The following RAB14 variants were observed in gnomAD, a reference collection of about 807,000 sequenced individuals.
RAB14 encodes ras-related protein Rab-14.
RAB14 carries 3 observed loss-of-function variants against 31.1 expected under a neutral mutation model. That is an observed-to-expected ratio of 0.10 (90% confidence interval 0.04 to 0.25). The LOEUF is 0.25. Among genes scored for constraint, RAB14 ranks in the 10% least tolerant of loss-of-function variants. The probability of loss-of-function intolerance (pLI) is 1.00; values close to 1 mark genes in which losing one functional copy is unlikely to be tolerated. For synonymous variants in RAB14, 85 were observed against 84.9 expected (o/e 1.00, Z 0.00); for missense variants, 111 against 260.1 (o/e 0.43, Z 3.94).
At chr9:121,196,679 G>A (rs1020533094) in intron 1 of RAB14, among the ~76,000 whole-genome samples, 1 of 152,122 alleles carries the variant, frequency 6.6e-6, no homozygotes, top group African/African-American at 2.4e-5. Context: ...GCTGTACCAT[G>A]TAGCTCTGCA....
At chr9:121,182,164 C>T (rs1341425611) in intron 7 of RAB14, among the ~76,000 whole-genome samples, 1 of 152,200 alleles carries the variant, frequency 6.6e-6, no homozygotes. Context: ...TATGTTAATA[C>T]ACACCATGAC....
In RAB14 at chr9:121,190,547, C is replaced by G. The variant is rs752011726; in HGVS notation, c.284+7G>C. ...CCCCATATGAAGGTTGAAAAATTAT[C>G]TCTTACCTAGTGATATCATAGACCA... On this transcript the variant is annotated splice_region_variant and intron_variant, in intron 4 of 7. Transcript: ENST00000373840. The G allele has an allele frequency of 3.8e-6, 6 of 1,568,546 alleles. No homozygotes were observed. The South Asian group carries it at 7.2e-5, about 19-fold the overall frequency.
At chr9:121,196,060 ATT>A (rs1564322015) in intron 1 of RAB14, among the ~76,000 whole-genome samples, 1 of 152,112 alleles carries the variant, frequency 6.6e-6, no homozygotes, top group Non-Finnish European at 1.5e-5. Flanking sequence ...TTCTTCCCCT[ATT>A]ATTTAACAGT....
At chr9:121,194,707 G>C (rs1301683911) in intron 1 of RAB14, among the ~76,000 whole-genome samples, 1 of 152,022 alleles carries the variant, frequency 6.6e-6, no homozygotes. Context: ...AATATGACTG[G>C]AGAAATTTAT....
intron 1 of RAB14, among the ~76,000 whole-genome samples, chr9:121,197,394 C>T (rs535182718): frequency 4.2e-4 from 64 of 152,276 alleles, no homozygotes; most frequent in African/African-American, 1.5e-3. Context: ...ATTTTCACCA[C>T]TGTTAAGGTG....
chr9:121,183,159 CA>C (rs1395804899), intron 6 of RAB14, 151 bp downstream of exon 6: 1 of 773,278 alleles, frequency 1.3e-6, no homozygotes, highest in Non-Finnish European at 2.1e-6. Context: ...ATAAATCACA[CA>C]GAAATAGAAA....
intron 3 of RAB14, 78 bp downstream of exon 3, chr9:121,192,093 T>C (rs1410436155): frequency 7.7e-6 from 9 of 1,166,768 alleles, no homozygotes; most frequent in Non-Finnish European, 1.1e-5. Context: ...TGAAGTATAC[T>C]GAAAATGACA....
chr9:121,178,860 C>T lies in RAB14; in HGVS notation c.*2536G>A, dbSNP rs1197083636. The T allele has an allele frequency of 1.3e-5, 2 of 152,236 alleles. No homozygotes were observed. Among genetic ancestry groups the T allele is most frequent in the Non-Finnish European group, 2.9e-5 (2 of 68,044 alleles). 9.4% of individuals were successfully genotyped at this position (152,236 alleles called of 1,614,324 possible). On this transcript the variant is annotated 3_prime_UTR_variant, in exon 8 of 8. Coordinates refer to ENST00000373840, the MANE Select transcript of RAB14 (RefSeq NM_016322.4). ...AGCAACCTCAAGAGGCAGGTGACTG[C>T]ACAAGCAGTAAGCTATGGATTAAAA...
rs986451379 is a variant in RAB14 at position 121,179,677 on chromosome 9, A to C, written c.*1719T>G. 2.6e-5 allele frequency: 4 copies of C among 152,686 alleles called. No homozygotes were observed. Among genetic ancestry groups the C allele is most frequent in the African/African-American group, 7.2e-5 (3 of 41,468 alleles). The allele number at this position is 152,686 out of a possible 1,614,324, so 9.5% of individuals were successfully genotyped here. On this transcript the variant is annotated 3_prime_UTR_variant, in exon 8 of 8. Coordinates refer to ENST00000373840, the MANE Select transcript of RAB14 (RefSeq NM_016322.4). Reference sequence around the variant, plus strand: ...AAAGTTAAACAAAGACAAAAATAAAAATGAATCCACAAATTAACCAAAGCC... The same window carrying C: ...AAAGTTAAACAAAGACAAAAATAAACATGAATCCACAAATTAACCAAAGCC...
chr9:121,195,056 A>AC (rs1588371632), intron 1 of RAB14, among the ~76,000 whole-genome samples: 2 of 152,152 alleles, frequency 1.3e-5, no homozygotes, highest in East Asian at 3.9e-4. Context: ...TCTGAACATC[A>AC]CAACAACTTT....
intron 1 of RAB14, among the ~76,000 whole-genome samples, chr9:121,195,769 G>A (rs952451185): frequency 2.0e-5 from 3 of 152,038 alleles, no homozygotes; most frequent in African/African-American, 7.2e-5. Context: ...ACTAATTTCA[G>A]TAAACAAAGG....
rs2053631411 is a variant in RAB14 at position 121,181,233 on chromosome 9, G to C, written c.*163C>G. ...TTTGATAACCTGATTACATCTAGTT[G>C]TTTAGCAGTTTAGTATTGTGTTAAA... On this transcript the variant is annotated 3_prime_UTR_variant, in exon 8 of 8. Coordinates refer to ENST00000373840, the MANE Select transcript of RAB14 (RefSeq NM_016322.4). 1 of 641,122 alleles carries C rather than the reference G, an allele frequency of 1.6e-6. No individual in the cohort carries two copies. Among genetic ancestry groups the C allele is most frequent in the Admixed American group, 3.6e-5 (1 of 27,440 alleles). 39.7% of individuals were successfully genotyped at this position (641,122 alleles called of 1,614,324 possible). A position where few individuals can be genotyped will look rare whatever the true frequency, so the allele number is the denominator to read the frequency against.
Position 121,200,913 on chromosome 9 carries a change from T to C in RAB14, c.-8+726A>G, listed in dbSNP as rs566848972. Reference sequence around the variant, plus strand: ...TAAAACGCTTAAAACACTCCAGCTCTGTCGTCTTCTCTTAGATTCTAGAAA... The same window carrying C: ...TAAAACGCTTAAAACACTCCAGCTCCGTCGTCTTCTCTTAGATTCTAGAAA... On this transcript the variant is annotated intron_variant, in intron 1 of 7. Transcript: ENST00000373840. Among the ~76,000 whole-genome samples, 3 of 152,334 alleles carry C rather than the reference T, an allele frequency of 2.0e-5. No individual in the cohort carries two copies. In the East Asian group the frequency reaches 5.8e-4, roughly 29 times the overall value.
rs759255493 is a variant in RAB14, at chr9:121,183,295, T to C, written c.439+16A>G. On this transcript the variant is annotated intron_variant, in intron 6 of 7. Transcript: ENST00000373840. ...AATTCTCCCAATTGTGACCATTAAG[T>C]CTTAAAGAAACTCACCATTTTCTTC... 1 of 1,582,134 alleles carries C rather than the reference T, an allele frequency of 6.3e-7. No homozygotes were observed. Among genetic ancestry groups the C allele is most frequent in the Non-Finnish European group, 8.7e-7 (1 of 1,153,174 alleles).
Position 121,178,447 on chromosome 9 carries a change from A to G in RAB14, c.*2949T>C, listed in dbSNP as rs1167499149. Reference sequence around the variant, plus strand: ...CTAAAATGCCACATGAACCCTCTCTATATTCCCACATGAAGAGGAATGGAA... The same window carrying G: ...CTAAAATGCCACATGAACCCTCTCTGTATTCCCACATGAAGAGGAATGGAA... On this transcript the variant is annotated 3_prime_UTR_variant, in exon 8 of 8. Coordinates refer to ENST00000373840, the MANE Select transcript of RAB14 (RefSeq NM_016322.4). The G allele has an allele frequency of 6.6e-6, 1 of 152,594 alleles. No individual in the cohort carries two copies. Among genetic ancestry groups the G allele is most frequent in the East Asian group, 1.9e-4 (1 of 5,194 alleles). The allele number at this position is 152,594 out of a possible 1,614,324, so 9.5% of individuals were successfully genotyped here.
rs930783197 is a variant in RAB14 at position 121,179,457 on chromosome 9, C to T, written c.*1939G>A. On this transcript the variant is annotated 3_prime_UTR_variant, in exon 8 of 8. Transcript: ENST00000373840. ...GTCAGGGTATTGCACCTCAACAAGC[C>T]GCAGTCTTTAGTTTGTGATTGCTAC... 5.2e-5 allele frequency: 8 copies of T among 152,558 alleles called. No homozygotes were observed. Among genetic ancestry groups the T allele is most frequent in the East Asian group, 1.9e-4 (1 of 5,192 alleles). 9.5% of individuals were successfully genotyped at this position (152,558 alleles called of 1,614,324 possible).
intron 1 of RAB14, among the ~76,000 whole-genome samples, chr9:121,197,127 A>T (rs2132029586): frequency 6.6e-6 from 1 of 152,318 alleles, no homozygotes; most frequent in East Asian, 1.9e-4. Context: ...AAAATCAGAG[A>T]AAGAGGAAGG....
chr9:121,193,436 C>T lies in RAB14; in HGVS notation c.-7-17G>A, dbSNP rs758387871. On this transcript the variant is annotated splice_polypyrimidine_tract_variant and intron_variant, in intron 1 of 7. Coordinates refer to ENST00000373840, the MANE Select transcript of RAB14 (RefSeq NM_016322.4). ...ATGGTGGCACTAAAAACAAAGAAAT[C>T]TCTGTTACTTCAGAAGGAAAGCATA... The T allele has an allele frequency of 1.3e-6, 2 of 1,535,560 alleles. No homozygotes were observed. Among genetic ancestry groups the T allele is most frequent in the East Asian group, 4.7e-5 (2 of 42,344 alleles).
At chr9:121,199,784 A>G (rs1003248608) in intron 1 of RAB14, among the ~76,000 whole-genome samples, 1 of 152,178 alleles carries the variant, frequency 6.6e-6, no homozygotes, top group Non-Finnish European at 1.5e-5. Flanking sequence ...AACAGTCTCT[A>G]ATCCTAAAAA....
Sources: gnomAD v4.1 joint callset for allele counts (sites outside exome capture counted in the v4.1 genomes callset) on GRCh38, gnomAD v4.1.1 for gene constraint, MANE v1.5 for transcripts, NCBI Gene and HGNC (gene_info 2026-07-23, HGNC 2026-07-21) for gene names.